The following EEFSEC variants were observed in gnomAD, a reference collection of about 807,000 sequenced individuals.
The protein encoded by EEFSEC is selenocysteine-specific elongation factor.
In EEFSEC, 43 loss-of-function variants were observed where a neutral mutation model predicts 42.1. The ratio of observed to expected loss-of-function variants is 1.02; its 90% CI spans 0.80 to 1.32. EEFSEC has a LOEUF of 1.32. Among genes scored for constraint, EEFSEC ranks in the 40% most tolerant of loss-of-function variants. The probability of loss-of-function intolerance (pLI) is 0.00; values close to 1 mark genes in which losing one functional copy is unlikely to be tolerated. For missense variants in EEFSEC, 745 were observed against 803.6 expected (o/e 0.93, Z 0.88); for synonymous variants, 354 against 339.1 (o/e 1.04, Z -0.48).
chr3:128,249,651 G>C (rs1289584776), intron 2 of EEFSEC, among the ~76,000 whole-genome samples: 1 of 152,050 alleles, frequency 6.6e-6, no homozygotes, highest in Non-Finnish European at 1.5e-5. Flanking sequence ...GAATTTGCCT[G>C]TTCTAGATAC....
chr3:128,341,064 C>T (rs1282736144), intron 4 of EEFSEC, among the ~76,000 whole-genome samples, 169 bp from the exon 5 acceptor site: 1 of 152,132 alleles, frequency 6.6e-6, no homozygotes, highest in African/African-American at 2.4e-5. Context: ...CAGTGTGGTA[C>T]CTGCTCTGGT....
intron 1 of EEFSEC, among the ~76,000 whole-genome samples, chr3:128,219,855 A>G (rs977898132): frequency 2.6e-5 from 4 of 151,882 alleles, no homozygotes; most frequent in African/African-American, 9.7e-5. Flanking sequence ...ACCCAGTGCT[A>G]CCCTACTGTT....
intron 6 of EEFSEC, among the ~76,000 whole-genome samples, chr3:128,403,004 G>A (rs1401298582): frequency 6.6e-6 from 1 of 152,158 alleles, no homozygotes; most frequent in East Asian, 1.9e-4. Context: ...ACATTAGAAG[G>A]TGATAAGAGC....
In EEFSEC at chr3:128,380,889, T is replaced by TC. The variant is rs1318663331; in HGVS notation, c.1600+22521dup. ...AGGGGGCCCCAATGGTGCCGGCCTCTCCCCCACCAGCACTGTGTTATCTGA... is the reference window on the plus strand; with the variant it reads ...AGGGGGCCCCAATGGTGCCGGCCTCTCCCCCCACCAGCACTGTGTTATCTGA... On this transcript the variant is annotated intron_variant, in intron 6 of 6. Transcript: ENST00000254730. 3.3e-5 allele frequency among the ~76,000 whole-genome samples: 5 copies of TC among 152,262 alleles called. No individual in the cohort carries two copies. In the East Asian group the frequency reaches 9.7e-4, roughly 29 times the overall value.
At chr3:128,303,806 T>G (rs934245152) in intron 4 of EEFSEC, among the ~76,000 whole-genome samples, 1 of 152,168 alleles carries the variant, frequency 6.6e-6, no homozygotes, top group African/African-American at 2.4e-5. Context: ...CTTCTGAAAT[T>G]GTTTTCATTC....
chr3:128,293,276 G>A (rs185735754), intron 4 of EEFSEC, among the ~76,000 whole-genome samples: 1 of 152,304 alleles, frequency 6.6e-6, no homozygotes, highest in East Asian at 1.9e-4. Context: ...TGTTGGCCTA[G>A]GTGAAGGCAG....
intron 4 of EEFSEC, among the ~76,000 whole-genome samples, chr3:128,274,665 G>C (rs985048368): frequency 6.6e-6 from 1 of 152,218 alleles, no homozygotes; most frequent in Non-Finnish European, 1.5e-5. Context: ...AATTAAATGA[G>C]TTTTATTGTT....
At chr3:128,196,278 C>T (rs940257215) in intron 1 of EEFSEC, among the ~76,000 whole-genome samples, 1 of 152,190 alleles carries the variant, frequency 6.6e-6, no homozygotes. Flanking sequence ...AAGAAACACA[C>T]GATTTTCCTT....
At chr3:128,262,462 ACT>A (rs560953313) in intron 3 of EEFSEC, among the ~76,000 whole-genome samples, 15 of 151,914 alleles carry the variant, frequency 9.9e-5, no homozygotes, top group Admixed American at 3.3e-4. Context: ...CCAGCCATAA[ACT>A]CTGCAGAGCT....
intron 1 of EEFSEC, among the ~76,000 whole-genome samples, chr3:128,197,433 G>A (rs1001968078): frequency 2.0e-5 from 3 of 152,114 alleles, no homozygotes; most frequent in Admixed American, 6.5e-5. Context: ...ATCACGCCCA[G>A]CTAATTTTTT....
chr3:128,343,049 G>A (rs1264896268), intron 5 of EEFSEC, among the ~76,000 whole-genome samples: 1 of 152,202 alleles, frequency 6.6e-6, no homozygotes, highest in Admixed American at 6.5e-5. Flanking sequence ...CCCCACTGTC[G>A]GGGGCTCAGG....
chr3:128,237,097 G>A (rs953386475), intron 1 of EEFSEC, among the ~76,000 whole-genome samples: 8 of 152,186 alleles, frequency 5.3e-5, no homozygotes, highest in Admixed American at 2.6e-4. Flanking sequence ...TGATTGGACT[G>A]TCGCTCTTTT....
chr3:128,335,054 C>G (rs2067175416), intron 4 of EEFSEC, among the ~76,000 whole-genome samples: 1 of 152,226 alleles, frequency 6.6e-6, no homozygotes, highest in African/African-American at 2.4e-5. Flanking sequence ...CCACCCTGTT[C>G]CTGCAGCTGT....
intron 4 of EEFSEC, among the ~76,000 whole-genome samples, chr3:128,311,199 T>C (rs534104206): frequency 6.6e-6 from 1 of 152,378 alleles, no homozygotes; most frequent in East Asian, 1.9e-4. Flanking sequence ...AAAATGTAGT[T>C]ATTTTTACAG....
At chr3:128,334,923 C>T (rs1371431527) in intron 4 of EEFSEC, among the ~76,000 whole-genome samples, 1 of 152,216 alleles carries the variant, frequency 6.6e-6, no homozygotes, top group African/African-American at 2.4e-5. Flanking sequence ...CTTCTCACTG[C>T]GTACCCCGCC....
intron 1 of EEFSEC, among the ~76,000 whole-genome samples, chr3:128,212,308 A>G (rs1321976608): frequency 6.6e-6 from 1 of 152,204 alleles, no homozygotes; most frequent in East Asian, 1.9e-4. Flanking sequence ...GACCCTCATC[A>G]GAGGTGTTCC....
chr3:128,232,521 C>T (rs1220909036), intron 1 of EEFSEC, among the ~76,000 whole-genome samples: 1 of 152,106 alleles, frequency 6.6e-6, no homozygotes, highest in East Asian at 1.9e-4. Context: ...TTTCCACAAT[C>T]CTATTTTCTC....
At chr3:128,341,200 G>A (rs753082206) in intron 4 of EEFSEC, 33 bp from the exon 5 acceptor site, 6 of 1,564,844 alleles carry the variant, frequency 3.8e-6, no homozygotes, top group Non-Finnish European at 5.2e-6. Flanking sequence ...AGGCTTGTTG[G>A]TTTCATGTGC....
intron 6 of EEFSEC, among the ~76,000 whole-genome samples, chr3:128,394,987 G>A (rs1422722973): frequency 2.0e-5 from 3 of 152,186 alleles, no homozygotes; most frequent in Admixed American, 6.5e-5. Context: ...GCCACTAACC[G>A]AGCACTCTGT....
Sources: allele counts gnomAD v4.1 joint callset (sites outside exome capture counted in the v4.1 genomes callset), GRCh38; gene constraint gnomAD v4.1.1; transcripts MANE v1.5; gene names NCBI Gene and HGNC (gene_info 2026-07-23, HGNC 2026-07-21).